Variants in LRRC9 observed in about 807,000 individuals in gnomAD.
LRRC9 encodes leucine rich repeat containing 9, also known as leucine-rich repeat-containing protein 9.
A neutral mutation model predicts 63.2 loss-of-function variants in LRRC9; 122 were observed. The observed-to-expected ratio is 1.93, with a 90% confidence interval of 1.67 to 2.24. LRRC9 has a LOEUF of 2.24. LRRC9 is among the 30% of genes most tolerant of loss of function. The probability of loss-of-function intolerance (pLI) is 0.00; values close to 1 mark genes in which losing one functional copy is unlikely to be tolerated. For synonymous variants in LRRC9, 366 were observed against 213.1 expected, an observed-to-expected ratio of 1.72 and a Z score of -6.25; for missense variants, 1,071 against 627.7, an observed-to-expected ratio of 1.71 and a Z score of -7.55.
chr14:60,037,520 T>C (rs1287544787), intron 29 of LRRC9, among the ~76,000 whole-genome samples: 1 of 152,260 alleles, frequency 6.6e-6, no homozygotes, highest in Non-Finnish European at 1.5e-5. Context: ...TGGCCAGTGA[T>C]AATGAGCATT....
At chr14:60,062,305 A>G in intron 31 of LRRC9, 126 bp downstream of exon 32, 1 of 392,248 alleles carries the variant, frequency 2.5e-6, no homozygotes, top group Non-Finnish European at 4.5e-6. Context: ...TGGGAACTAG[A>G]AAAAACTGTC....
intron 30 of LRRC9, among the ~76,000 whole-genome samples, chr14:60,055,476 G>C (rs552907844): frequency 2.0e-5 from 3 of 152,128 alleles, no homozygotes; most frequent in African/African-American, 7.2e-5. Context: ...TATGCCACCT[G>C]TATTAGTTTC....
intron 29 of LRRC9, among the ~76,000 whole-genome samples, chr14:60,035,852 C>A (rs1892386290): frequency 6.6e-6 from 1 of 152,012 alleles, no homozygotes; most frequent in African/African-American, 2.4e-5. Context: ...TTTTTTATTT[C>A]TGTGAAGAAT....
chr14:59,992,473 A>G (rs551633195), intron 17 of LRRC9, among the ~76,000 whole-genome samples: 1 of 152,364 alleles, frequency 6.6e-6, no homozygotes, highest in South Asian at 2.1e-4. Flanking sequence ...AATGACTTTG[A>G]TGAGTTGAGA....
chr14:59,939,374 G>A (rs1315447437), intron 7 of LRRC9, among the ~76,000 whole-genome samples: 1 of 151,912 alleles, frequency 6.6e-6, no homozygotes. Context: ...TAAGGACTTT[G>A]GTCTTTACTT....
chr14:60,043,756 C>CTTTTTTTTTTT (rs368065898), intron 29 of LRRC9, among the ~76,000 whole-genome samples: 17 of 71,540 alleles, frequency 2.4e-4, no homozygotes, highest in East Asian at 4.6e-4. Flanking sequence ...TTTTCTTTTC[C>CTTTTTTTTTTT]TTTTTTTTTT....
exon 14 of LRRC9, chr14:59,977,269 G>C: frequency 1.4e-6 from 1 of 700,574 alleles, no homozygotes; most frequent in Admixed American, 2.0e-5. Context: ...GAGTGTTCAG[G>C]CCCATGAAAA....
rs1047851702 is a variant in LRRC9, at chr14:59,984,256, T to C, written c.2092-849T>C. Among the ~76,000 whole-genome samples the C allele has an allele frequency of 1.1e-4, 16 of 152,334 alleles. 1 individual carries two copies. Among genetic ancestry groups the C allele is most frequent in the Admixed American group, 6.5e-4 (10 of 15,296 alleles). On this transcript the variant is annotated intron_variant, in intron 16 of 31. Transcript: ENST00000445360. ...ATTGGCCCTTAACAATTTTAGCTAA[T>C]TTTGACAGCTATTAGAAATTTAATT...
At position 59,975,139 on chromosome 14, in the gene LRRC9, ACATATATATATGTATATATATATATG is replaced by A. The variant is rs1355226817; in HGVS notation, c.1639+432_1639+457del. Reference sequence around the variant, plus strand: ...TATATATATATATGTATATATATATACATATATATATGTATATATATATATGTATATATATATACACTACACACACG... The same window carrying A: ...TATATATATATATGTATATATATATATATATATATATACACTACACACACG... On this transcript the variant is annotated intron_variant, in intron 13 of 31. Coordinates refer to ENST00000445360, the Ensembl canonical transcript of LRRC9. Among the ~76,000 whole-genome samples, 5 of 11,728 alleles carry A rather than the reference ACATATATATATGTATATATATATATG, an allele frequency of 4.3e-4. 1 individual carries two copies. The highest frequency in any genetic ancestry group is 7.8e-4 in the African/African-American group (5 of 6,440). The allele number at this position is 11,728 out of a possible 152,430, so 7.7% of individuals were successfully genotyped here.
At chr14:59,963,817 T>C (rs1249864574) in intron 10 of LRRC9, among the ~76,000 whole-genome samples, 1 of 152,208 alleles carries the variant, frequency 6.6e-6, no homozygotes, top group Non-Finnish European at 1.5e-5. Context: ...TTTGAAACTG[T>C]TGATTTAAGT....
chr14:60,048,369 T>C (rs1397779685), intron 29 of LRRC9, among the ~76,000 whole-genome samples: 1 of 151,464 alleles, frequency 6.6e-6, no homozygotes, highest in Admixed American at 6.6e-5. Context: ...TTTGAAAAAA[T>C]TAATAAAATA....
At chr14:60,047,095 T>C (rs1246991151) in intron 29 of LRRC9, among the ~76,000 whole-genome samples, 2 of 152,216 alleles carry the variant, frequency 1.3e-5, no homozygotes, top group African/African-American at 2.4e-5. Context: ...CTAGCTTTTT[T>C]GCACATTGAT....
intron 12 of LRRC9, 96 bp downstream of exon 12, chr14:59,967,309 TA>T (rs1884960470): frequency 2.1e-6 from 1 of 474,408 alleles, no homozygotes; most frequent in African/African-American, 1.9e-5. Context: ...TATCCATATT[TA>T]TAGTAAATTT....
In LRRC9 at chr14:60,001,640, G is replaced by A. The variant is rs73306046; in HGVS notation, c.2530-326G>A. 3.1e-3 allele frequency among the ~76,000 whole-genome samples: 465 copies of A among 152,186 alleles called. 3 individuals are homozygous for A. The highest frequency in any genetic ancestry group is 0.011 in the African/African-American group (442 of 41,540). On this transcript the variant is annotated intron_variant, in intron 19 of 31. Coordinates refer to ENST00000445360, the Ensembl canonical transcript of LRRC9. ...AAAGGAAAGAAAAGGGCTTAGGATC[G>A]GGCCCACAGGGTGCTTGTAATCTAT...
In LRRC9 at chr14:59,932,029, G is replaced by A. The variant is rs765812434; in HGVS notation, c.533G>A (p.Cys178Tyr). ...TTAAACCTTTCTGGTAACCAAATAT[G>A]TTCTTTCAAGGTATGTTTAAGTGGA... The change falls in exon 6 of 32, where the codon TGT (cysteine) becomes TAT (tyrosine). Residue 178 changes from cysteine (C) to tyrosine (Y), a missense_variant. By Grantham distance (194) the Cys-to-Tyr change is radical. Transcript: ENST00000445360. This position sits in a 1 kb window ranked among gnomAD's most constrained non-coding sequence, Gnocchi z 4.7. 1.4e-6 allele frequency: 1 copy of A among 699,344 alleles called. No homozygotes were observed. Among genetic ancestry groups the A allele is most frequent in the South Asian group, 1.5e-5 (1 of 67,084 alleles). 43.3% of individuals were successfully genotyped at this position (699,344 alleles called of 1,614,324 possible).
Position 59,958,397 on chromosome 14 carries a change from C to A in LRRC9, c.883-1421C>A, listed in dbSNP as rs1884006440. Among the ~76,000 whole-genome samples the A allele has an allele frequency of 6.6e-6, 1 of 152,108 alleles. No homozygotes were observed. Among genetic ancestry groups the A allele is most frequent in the African/African-American group, 2.4e-5 (1 of 41,422 alleles). ...GACCACAGCTGCTTTGCCACCGGGC[C>A]CAGACCTCCCAAACTCCTTAGCACT... On this transcript the variant is annotated intron_variant, in intron 8 of 31. Transcript: ENST00000445360. This position sits in a 1 kb window ranked among gnomAD's most constrained non-coding sequence, Gnocchi z 4.0.
At chr14:59,924,418 G>A (rs544299791) in intron 1 of LRRC9, among the ~76,000 whole-genome samples, 3 of 152,222 alleles carry the variant, frequency 2.0e-5, no homozygotes, top group African/African-American at 7.2e-5. Context: ...GTAATATCCT[G>A]AGGTTGTCCA....
In LRRC9 at chr14:59,927,690, AC is replaced by A; in HGVS notation, c.-33-220del. Among the ~76,000 whole-genome samples, 1 of 151,994 alleles carries A rather than the reference AC, an allele frequency of 6.6e-6. No homozygotes were observed. On this transcript the variant is annotated intron_variant, in intron 1 of 31. Coordinates refer to ENST00000445360, the Ensembl canonical transcript of LRRC9. This position sits in a 1 kb window ranked among gnomAD's most constrained non-coding sequence, Gnocchi z 4.4. Reference sequence around the variant, plus strand: ...GTTATACCGAGGAGGTATACTGACAACAAAAGGGAAGGAATTATGGAGAGAG... The same window carrying A: ...GTTATACCGAGGAGGTATACTGACAAAAAAGGGAAGGAATTATGGAGAGAG...
At position 60,003,437 on chromosome 14, in the gene LRRC9, T is replaced by C. The variant is rs905508069; in HGVS notation, c.2665-184T>C. Among the ~76,000 whole-genome samples the C allele has an allele frequency of 6.6e-6, 1 of 152,238 alleles. No homozygotes were observed. Among genetic ancestry groups the C allele is most frequent in the Non-Finnish European group, 1.5e-5 (1 of 68,026 alleles). Reference sequence around the variant, plus strand: ...ATACCATATAAGTCCTTCTTGGAGTTATAATCTCGTCAAATTTTACTTTTC... The same window carrying C: ...ATACCATATAAGTCCTTCTTGGAGTCATAATCTCGTCAAATTTTACTTTTC... On this transcript the variant is annotated intron_variant, in intron 20 of 31. Coordinates refer to ENST00000445360, the Ensembl canonical transcript of LRRC9. The surrounding 1 kb of genome is among the most constrained non-coding windows in gnomAD (Gnocchi z 4.2).
Sources: gnomAD v4.1 joint callset for allele counts (sites outside exome capture counted in the v4.1 genomes callset) on GRCh38, gnomAD v4.1.1 for gene constraint, Gnocchi (gnomAD v3.1) non-coding constraint, MANE v1.5 for transcripts, NCBI Gene and HGNC (gene_info 2026-07-23, HGNC 2026-07-21) for gene names.